ITPK1: variants seen among roughly 807,000 people sequenced by gnomAD.
ITPK1 encodes the protein inositol 1,3,4-trisphosphate 5/6-kinase.
Under a neutral mutation model 45.3 loss-of-function variants are expected in ITPK1, and 21 were observed. That is an observed-to-expected ratio of 0.46 (90% CI 0.33 to 0.67). ITPK1 has a LOEUF of 0.67. ITPK1 is among the 30% of genes least tolerant of loss of function. ITPK1 has a pLI of 0.02. For synonymous variants in ITPK1, 258 were observed against 253.6 expected (o/e 1.02, Z -0.16); for missense variants, 474 against 573.5 (o/e 0.83, Z 1.77).
At chr14:93,096,111 G>A (rs527879222) in intron 2 of ITPK1, among the ~76,000 whole-genome samples, 155 of 152,228 alleles carry the variant, frequency 1.0e-3, no homozygotes, top group Admixed American at 2.9e-3. Flanking sequence ...CCCCGGCCAC[G>A]TCCTCCAACC....
intron 3 of ITPK1, among the ~76,000 whole-genome samples, chr14:93,026,255 A>ATC (rs1888723688): frequency 6.6e-6 from 1 of 152,244 alleles, no homozygotes; most frequent in Non-Finnish European, 1.5e-5. Context: ...CAAATGACTA[A>ATC]TCTCTCTCAA....
intron 9 of ITPK1, among the ~76,000 whole-genome samples, chr14:92,946,863 C>A (rs1216970086): frequency 2.0e-5 from 3 of 152,238 alleles, no homozygotes; most frequent in Non-Finnish European, 4.4e-5. Flanking sequence ...AAAACCAAAG[C>A]CTTTTAACAG....
At chr14:93,087,184 C>G (rs1595202963) in intron 2 of ITPK1, among the ~76,000 whole-genome samples, 1 of 152,196 alleles carries the variant, frequency 6.6e-6, no homozygotes, top group Non-Finnish European at 1.5e-5. Flanking sequence ...GAAATCGATT[C>G]CTCCGCTTTC....
chr14:93,108,977 C>T (rs1435722524), intron 2 of ITPK1, among the ~76,000 whole-genome samples: 1 of 152,224 alleles, frequency 6.6e-6, no homozygotes, highest in Non-Finnish European at 1.5e-5. Context: ...CGTGCCACTG[C>T]ACTCCAGTCT....
In ITPK1 at chr14:92,982,142, A is replaced by G. The variant is rs536819571; in HGVS notation, c.364+11738T>C. 2.6e-5 allele frequency among the ~76,000 whole-genome samples: 4 copies of G among 152,362 alleles called. No individual in the cohort carries two copies. The South Asian group carries it at 8.3e-4, about 32-fold the overall frequency. On this transcript the variant is annotated intron_variant, in intron 5 of 10. Transcript: ENST00000267615. ...ATAGCAATTAAATTCCATTGAACTT[A>G]TAAGTATGCAAGGGAAAACCATTGT...
At chr14:92,956,800 TGTC>T (rs1370500224) in intron 8 of ITPK1, among the ~76,000 whole-genome samples, 1 of 152,178 alleles carries the variant, frequency 6.6e-6, no homozygotes, top group Non-Finnish European at 1.5e-5. Context: ...TTTTAAAAAA[TGTC>T]AGCCTCTTCC....
At chr14:92,985,822 C>A (rs1392646834) in intron 5 of ITPK1, among the ~76,000 whole-genome samples, 1 of 152,148 alleles carries the variant, frequency 6.6e-6, no homozygotes, top group Non-Finnish European at 1.5e-5. Context: ...AATGCACTGT[C>A]TGCCAGGAGA....
At chr14:92,994,979 C>G (rs981946081) in intron 4 of ITPK1, among the ~76,000 whole-genome samples, 1 of 152,210 alleles carries the variant, frequency 6.6e-6, no homozygotes, top group African/African-American at 2.4e-5. Context: ...AATCTGAACA[C>G]AGACGCAGGG....
intron 5 of ITPK1, among the ~76,000 whole-genome samples, chr14:92,967,728 A>C (rs1295550741): frequency 6.6e-6 from 1 of 152,266 alleles, no homozygotes; most frequent in African/African-American, 2.4e-5. Context: ...CAGCCATGAA[A>C]AGGAACAAAG....
chr14:92,973,119 G>A (rs991647828), intron 5 of ITPK1, among the ~76,000 whole-genome samples: 5 of 152,184 alleles, frequency 3.3e-5, no homozygotes, highest in African/African-American at 7.2e-5. Flanking sequence ...CCACAGTCAC[G>A]TCTTTCTAGT....
In ITPK1 at chr14:93,034,806, G is replaced by A. The variant is rs1357009096; in HGVS notation, c.121-18005C>T. On this transcript the variant is annotated intron_variant, in intron 3 of 10. Transcript: ENST00000267615. This position sits in a 1 kb window ranked among gnomAD's most constrained non-coding sequence, Gnocchi z 4.1. ...ACACGGGCAGTGGGCAGTGGGCAGT[G>A]CCAGTGCCCAGGGGCTATGCCCTGT... Among the ~76,000 whole-genome samples, 2 of 152,264 alleles carry A rather than the reference G, an allele frequency of 1.3e-5. No homozygotes were observed. Among genetic ancestry groups the A allele is most frequent in the Non-Finnish European group, 2.9e-5 (2 of 68,038 alleles).
Position 93,109,024 on chromosome 14 carries a change from C to T in ITPK1, c.95+6045G>A, listed in dbSNP as rs553802915. Reference sequence around the variant, plus strand: ...GGAGACTCTGTCTCACACATACACACAAAAAGTATGAAAAAGTAAAATGCC... The same window carrying T: ...GGAGACTCTGTCTCACACATACACATAAAAAGTATGAAAAAGTAAAATGCC... On this transcript the variant is annotated intron_variant, in intron 2 of 10. Coordinates refer to ENST00000267615, the MANE Select transcript of ITPK1 (RefSeq NM_014216.6). 2.8e-4 allele frequency among the ~76,000 whole-genome samples: 42 copies of T among 152,250 alleles called. No individual in the cohort carries two copies. The South Asian group carries it at 8.5e-3, about 31-fold the overall frequency.
chr14:93,097,610 T>C (rs745881196), intron 2 of ITPK1, among the ~76,000 whole-genome samples: 2 of 152,194 alleles, frequency 1.3e-5, no homozygotes, highest in Admixed American at 1.3e-4. Context: ...TATGCATCAA[T>C]AACTGATAAA....
At position 92,974,656 on chromosome 14, in the gene ITPK1, TG is replaced by T. The variant is rs1885841584; in HGVS notation, c.365-11808del. On this transcript the variant is annotated intron_variant, in intron 5 of 10. Coordinates refer to ENST00000267615, the MANE Select transcript of ITPK1 (RefSeq NM_014216.6). The stretch of plus-strand genomic sequence containing the variant: ...ATGGGCATCGGGCGTAAGGACACAG[TG>T]GCCCTCTCAGGTGCCCTCGTGGGAC... Among the ~76,000 whole-genome samples, 3 of 152,232 alleles carry T rather than the reference TG, an allele frequency of 2.0e-5. No individual in the cohort carries two copies. In the South Asian group the frequency reaches 6.2e-4, roughly 31 times the overall value.
chr14:93,100,545 A>AGG (rs1892270155), intron 2 of ITPK1, among the ~76,000 whole-genome samples: 2 of 148,718 alleles, frequency 1.3e-5, no homozygotes, highest in African/African-American at 4.9e-5. Flanking sequence ...AGGGAGAGAG[A>AGG]GAGAGAGAGA....
rs535231808 is a variant in ITPK1 at position 92,959,592 on chromosome 14, G to A, written c.505-1226C>T. On this transcript the variant is annotated intron_variant, in intron 7 of 10. Transcript: ENST00000267615. Reference sequence around the variant, plus strand: ...TCAGGCAGGGGCTGGAATGCCTGCTGAGCACTTGCTGTGTGAGCCGAGGCT... The same window carrying A: ...TCAGGCAGGGGCTGGAATGCCTGCTAAGCACTTGCTGTGTGAGCCGAGGCT... Among the ~76,000 whole-genome samples, 17 of 152,316 alleles carry A rather than the reference G, an allele frequency of 1.1e-4. No homozygotes were observed. The South Asian group carries it at 1.5e-3, about 13-fold the overall frequency.
chr14:93,091,876 G>C (rs1408126904), intron 2 of ITPK1, among the ~76,000 whole-genome samples: 1 of 152,190 alleles, frequency 6.6e-6, no homozygotes, highest in African/African-American at 2.4e-5. Context: ...AGGGATGACG[G>C]GAGGCGCCAC....
chr14:93,108,019 C>G (rs1326656371), intron 2 of ITPK1, among the ~76,000 whole-genome samples: 2 of 152,194 alleles, frequency 1.3e-5, no homozygotes, highest in Admixed American at 1.3e-4. Flanking sequence ...GGGGAGCACT[C>G]GGCTTGGAGC....
chr14:93,101,519 G>T (rs1892319427), intron 2 of ITPK1, among the ~76,000 whole-genome samples: 2 of 152,190 alleles, frequency 1.3e-5, no homozygotes, highest in African/African-American at 4.8e-5. Context: ...TTAAGGCCCA[G>T]AGAGGAGCTG....
Sources: gnomAD v4.1 joint callset for allele counts (sites outside exome capture counted in the v4.1 genomes callset) on GRCh38, gnomAD v4.1.1 for gene constraint, Gnocchi (gnomAD v3.1) non-coding constraint, MANE v1.5 for transcripts, NCBI Gene and HGNC (gene_info 2026-07-23, HGNC 2026-07-21) for gene names.